Variants in EPB41L4A observed in about 807,000 individuals in gnomAD.
EPB41L4A encodes the protein erythrocyte membrane protein band 4.1 like 4A.
EPB41L4A carries 100 observed loss-of-function variants against 108.6 expected under a neutral mutation model. The observed-to-expected ratio is 0.92, with a 90% confidence interval of 0.78 to 1.09. The LOEUF is 1.09. Ranked by LOEUF, EPB41L4A falls within the 50% of genes least tolerant of loss-of-function variation. The pLI is 0.00. For missense variants in EPB41L4A, 1,030 were observed against 842.7 expected, an observed-to-expected ratio of 1.22 and a Z score of -2.75; for synonymous variants, 319 against 289.0, an observed-to-expected ratio of 1.10 and a Z score of -1.05.
intron 2 of EPB41L4A, among the ~76,000 whole-genome samples, chr5:112,294,961 C>G (rs1202616501): frequency 1.3e-5 from 2 of 152,156 alleles, no homozygotes; most frequent in Admixed American, 1.3e-4. Flanking sequence ...GTGGGGAAAA[C>G]ACTGGAGGGA....
intron 1 of EPB41L4A, among the ~76,000 whole-genome samples, chr5:112,394,845 T>C (rs374975619): frequency 1.3e-5 from 2 of 152,168 alleles, no homozygotes; most frequent in East Asian, 3.8e-4. Context: ...CTTCAAACTA[T>C]ACTACAAGGC....
In EPB41L4A at chr5:112,204,432, C is replaced by T. The variant is rs531199200; in HGVS notation, c.1319G>A (p.Arg440His). 2.2e-5 allele frequency: 36 copies of T among 1,613,834 alleles called. No homozygotes were observed. The South Asian group carries it at 3.0e-4, about 13-fold the overall frequency. Residue 440 changes from arginine (R) to histidine (H), a missense_variant, in exon 15 of 23, where the codon CGT becomes CAT. Arg to His is a conservative substitution (Grantham distance 29). Transcript: ENST00000261486. ...ACTTCCACAGGAGGGGTTTCGGCGA[C>T]GCGTGTAAGGGAACTTTGGCGACTT... Reference protein sequence around the residue: ...RTKSPKFPYTRRRNPSCGSDN... With the variant: ...RTKSPKFPYTHRRNPSCGSDN...
At chr5:112,407,891 T>C (rs73216602) in intron 1 of EPB41L4A, among the ~76,000 whole-genome samples, 6,195 of 152,298 alleles carry the variant, frequency 0.041, 446 homozygotes, top group African/African-American at 0.14. Flanking sequence ...TTTAGGTTCT[T>C]GAAGATTTAA....
At chr5:112,402,692 T>C (rs1276614110) in intron 1 of EPB41L4A, among the ~76,000 whole-genome samples, 1 of 152,190 alleles carries the variant, frequency 6.6e-6, no homozygotes, top group Non-Finnish European at 1.5e-5. Flanking sequence ...CTTTTCAACT[T>C]TTCTATGACA....
intron 4 of EPB41L4A, among the ~76,000 whole-genome samples, chr5:112,267,142 A>C (rs1751921140): frequency 6.6e-6 from 1 of 152,146 alleles, no homozygotes; most frequent in Admixed American, 6.5e-5. Flanking sequence ...TAGTGGACTG[A>C]GAGGGGCCAG....
At chr5:112,388,697 C>A (rs1424987028) in intron 1 of EPB41L4A, among the ~76,000 whole-genome samples, 1 of 152,230 alleles carries the variant, frequency 6.6e-6, no homozygotes, top group Non-Finnish European at 1.5e-5. Context: ...CTGGTCCAGG[C>A]TTCCCATCCA....
chr5:112,266,781 A>G lies in EPB41L4A; in HGVS notation c.336-451T>C, dbSNP rs577172721. Among the ~76,000 whole-genome samples, 139 of 152,340 alleles carry G rather than the reference A, an allele frequency of 9.1e-4. 3 individuals carry two copies. Among genetic ancestry groups the G allele is most frequent in the Admixed American group, 8.0e-3 (122 of 15,302 alleles). On this transcript the variant is annotated intron_variant, in intron 4 of 22. Coordinates refer to ENST00000261486, the MANE Select transcript of EPB41L4A (RefSeq NM_022140.5). ...AAGAAATCACAAAGACCCAACCTAT[A>G]TTACATAACACTCTGCCTATTATCT... is the stretch of plus-strand genomic sequence containing the variant.
At chr5:112,333,165 G>T (rs768946110) in intron 1 of EPB41L4A, among the ~76,000 whole-genome samples, 2 of 152,298 alleles carry the variant, frequency 1.3e-5, no homozygotes, top group Non-Finnish European at 2.9e-5. Context: ...CACCCAAAGG[G>T]CTTAGAGCAG....
At chr5:112,391,792 T>C (rs188130199) in intron 1 of EPB41L4A, among the ~76,000 whole-genome samples, 133 of 151,896 alleles carry the variant, frequency 8.8e-4, no homozygotes, top group African/African-American at 2.7e-3. Context: ...TTCACCAAGG[T>C]TGAAATGAAG....
At chr5:112,316,628 T>A (rs1755446377) in intron 1 of EPB41L4A, among the ~76,000 whole-genome samples, 1 of 152,248 alleles carries the variant, frequency 6.6e-6, no homozygotes, top group Admixed American at 6.5e-5. Context: ...AATTAATATT[T>A]ATATTTTTCA....
At chr5:112,334,467 C>A (rs866865254) in intron 1 of EPB41L4A, among the ~76,000 whole-genome samples, 1 of 152,124 alleles carries the variant, frequency 6.6e-6, no homozygotes, top group African/African-American at 2.4e-5. Context: ...ACATATGAGA[C>A]TTCATCTACA....
At chr5:112,231,170 T>A (rs1748890166) in intron 12 of EPB41L4A, among the ~76,000 whole-genome samples, 2 of 152,144 alleles carry the variant, frequency 1.3e-5, no homozygotes, top group African/African-American at 2.4e-5. Flanking sequence ...TAAAGATTGG[T>A]TGAATTGTCA....
At chr5:112,228,622 T>A (rs1748642029) in intron 12 of EPB41L4A, 2 of 830,298 alleles carry the variant, frequency 2.4e-6, no homozygotes, top group Non-Finnish European at 2.9e-6. Flanking sequence ...ACTTTTCTTA[T>A]AGCTAATTAT....
At chr5:112,142,394 C>T (rs1055601680), downstream of EPB41L4A, 3 of 152,174 alleles carry the variant, frequency 2.0e-5, no homozygotes, top group Non-Finnish European at 2.9e-5. Context: ...TTTAGCTAGT[C>T]TTCTAAAATA....
chr5:112,344,120 C>A (rs549762752), intron 1 of EPB41L4A, among the ~76,000 whole-genome samples: 1 of 151,992 alleles, frequency 6.6e-6, no homozygotes, highest in Middle Eastern at 3.4e-3. Context: ...TTAAACGTTC[C>A]ACTAGATAAT....
chr5:112,343,183 C>T (rs1757428323), intron 1 of EPB41L4A, among the ~76,000 whole-genome samples: 1 of 152,110 alleles, frequency 6.6e-6, no homozygotes, highest in South Asian at 2.1e-4. Flanking sequence ...TCCATTCTCC[C>T]AACAGCCCCC....
chr5:112,221,521 T>G (rs888302373), intron 12 of EPB41L4A, among the ~76,000 whole-genome samples: 2 of 152,222 alleles, frequency 1.3e-5, no homozygotes, highest in Non-Finnish European at 2.9e-5. Flanking sequence ...ACTACTTATA[T>G]AGTGCACAGC....
At chr5:112,319,030 G>A (rs1238252793) in intron 1 of EPB41L4A, among the ~76,000 whole-genome samples, 1 of 152,114 alleles carries the variant, frequency 6.6e-6, no homozygotes, top group African/African-American at 2.4e-5. Context: ...CACCTCAATA[G>A]CAATGACCAC....
chr5:112,228,076 G>A (rs1256654219), intron 12 of EPB41L4A, among the ~76,000 whole-genome samples: 2 of 152,084 alleles, frequency 1.3e-5, no homozygotes, highest in South Asian at 4.2e-4. Context: ...TGAGCCCCAG[G>A]GCAGATGGAG....
Sources: gnomAD v4.1 joint callset for allele counts (sites outside exome capture counted in the v4.1 genomes callset) on GRCh38, gnomAD v4.1.1 for gene constraint, MANE v1.5 for transcripts, NCBI Gene and HGNC (gene_info 2026-07-23, HGNC 2026-07-21) for gene names.